Variants in RFFL observed in about 807,000 individuals in gnomAD.
The protein encoded by RFFL is E3 ubiquitin-protein ligase rififylin.
Under a neutral mutation model 40.4 loss-of-function variants are expected in RFFL, and 16 were observed. The ratio of observed to expected loss-of-function variants is 0.40; its 90% confidence interval spans 0.27 to 0.60. The LOEUF (loss-of-function observed/expected upper bound fraction) is 0.60, where lower values mean the gene tolerates loss of function less well. RFFL is among the 20% of genes least tolerant of loss of function. RFFL has a pLI of 0.47. For missense variants in RFFL, 367 were observed against 451.7 expected, an observed-to-expected ratio of 0.81 and a Z score of 1.70; for synonymous variants, 154 against 167.9, an observed-to-expected ratio of 0.92 and a Z score of 0.64.
Position 35,011,923 on chromosome 17 carries a change from C to T in RFFL, c.*45G>A. 1.9e-6 allele frequency: 3 copies of T among 1,592,534 alleles called. No homozygotes were observed. The highest frequency in any genetic ancestry group is 2.6e-6 in the Non-Finnish European group (3 of 1,165,786). ...CTGGCCAACCCTGAGCCCAGACACC[C>T]CAGGCTATTTCCCTGTAAGGCACTG... On this transcript the variant is annotated 3_prime_UTR_variant, in exon 7 of 7. Transcript: ENST00000394597.
In RFFL at chr17:35,016,525, A is replaced by G; in HGVS notation, c.731T>C (p.Leu244Pro). 1.9e-6 allele frequency: 3 copies of G among 1,614,212 alleles called. No homozygotes were observed. Among genetic ancestry groups the G allele is most frequent in the Non-Finnish European group, 2.5e-6 (3 of 1,180,028 alleles). Reference protein sequence around the residue: ...VPGRRASLSDLTDLEDIEGLT... With the variant: ...VPGRRASLSDPTDLEDIEGLT... ...GCCTTCAATGTCCTCCAGGTCAGTC[A>G]GGTCAGACAGAGAGGCCCTTCGGCC... is the stretch of plus-strand genomic sequence containing the variant. The change falls in exon 5 of 7, where the codon CTG (leucine) becomes CCG (proline). Residue 244 changes from leucine (L) to proline (P), a missense_variant. Physicochemically the swap from Leu to Pro is moderately conservative, Grantham distance 98. Transcript: ENST00000394597.
In RFFL at chr17:35,017,505, C is replaced by A; in HGVS notation, c.675+18G>T. On this transcript the variant is annotated intron_variant, in intron 4 of 6. Transcript: ENST00000394597. The stretch of plus-strand genomic sequence containing the variant: ...GAAAGAGGAAAGGTGAAGACACAGA[C>A]CCAAGCAGAGGCCCCACCTGGGTCT... 6.4e-7 allele frequency: 1 copy of A among 1,570,134 alleles called. No homozygotes were observed. The highest frequency in any genetic ancestry group is 2.3e-5 in the East Asian group (1 of 44,356).
intron 2 of RFFL, chr17:35,025,407 T>C (rs966888190): frequency 6.6e-6 from 1 of 152,200 alleles, no homozygotes; most frequent in Non-Finnish European, 1.5e-5. Flanking sequence ...ATTTAACACA[T>C]TCAATGTTCT....
At chr17:35,065,180 A>G (rs947814079), upstream of RFFL, among the ~76,000 whole-genome samples, 1 of 152,102 alleles carries the variant, frequency 6.6e-6, no homozygotes, top group Non-Finnish European at 1.5e-5. Flanking sequence ...AACAACTCTC[A>G]AGGTACAGAC....
chr17:35,011,670 G>A lies in RFFL; in HGVS notation c.*298C>T, dbSNP rs981784824. On this transcript the variant is annotated 3_prime_UTR_variant, in exon 7 of 7. Coordinates refer to ENST00000394597, the MANE Select transcript of RFFL (RefSeq NM_001017368.2). ...CTGTCTAGGTTCAGGGAGGAAGACA[G>A]GACCCAAGTTCTGGAAAGTTCTCTG... 6.1e-6 allele frequency: 2 copies of A among 327,766 alleles called. No individual in the cohort carries two copies. Among genetic ancestry groups the A allele is most frequent in the African/African-American group, 2.1e-5 (1 of 47,710 alleles). The allele number at this position is 327,766 out of a possible 1,614,324, so 20.3% of individuals were successfully genotyped here.
chr17:35,086,893 CAG>C (rs1474161202), intron 1 of RFFL, among the ~76,000 whole-genome samples: 2 of 152,166 alleles, frequency 1.3e-5, no homozygotes, highest in Non-Finnish European at 2.9e-5. Context: ...CTTAGGTTTA[CAG>C]AGGTGTTCTC....
intron 1 of RFFL, among the ~76,000 whole-genome samples, chr17:35,082,430 T>A (rs550761819): frequency 2.0e-4 from 31 of 152,234 alleles, no homozygotes; most frequent in Non-Finnish European, 4.0e-4. Flanking sequence ...ATTTGGGTAA[T>A]GTTATTCATT....
chr17:35,043,917 AT>A (rs1567708954), intron 1 of RFFL, among the ~76,000 whole-genome samples: 1 of 152,208 alleles, frequency 6.6e-6, no homozygotes, highest in African/African-American at 2.4e-5. Flanking sequence ...TATACATCCC[AT>A]AAGTCATCTG....
chr17:35,070,675 T>C (rs1248429086), intron 1 of RFFL, among the ~76,000 whole-genome samples: 1 of 152,168 alleles, frequency 6.6e-6, no homozygotes, highest in East Asian at 1.9e-4. Flanking sequence ...TGCTGTGCTA[T>C]CTATTGCTGG....
intron 1 of RFFL, among the ~76,000 whole-genome samples, chr17:35,057,401 G>A (rs538279812): frequency 6.6e-6 from 1 of 151,734 alleles, no homozygotes; most frequent in African/African-American, 2.4e-5. Flanking sequence ...TTGCCCCAGG[G>A]CCTACAAACT....
intron 1 of RFFL, among the ~76,000 whole-genome samples, chr17:35,078,468 A>G (rs1338740350): frequency 2.6e-5 from 4 of 152,012 alleles, no homozygotes; most frequent in Non-Finnish European, 4.4e-5. Context: ...ACATCTAGCT[A>G]ATTTTTTGTA....
chr17:35,042,950 G>A (rs561273243), intron 1 of RFFL, among the ~76,000 whole-genome samples: 4 of 152,240 alleles, frequency 2.6e-5, no homozygotes, highest in Non-Finnish European at 5.9e-5. Flanking sequence ...TGCTGAAGTG[G>A]TGCATGGGCT....
intron 1 of RFFL, among the ~76,000 whole-genome samples, chr17:35,069,884 C>CA (rs2091338230): frequency 6.6e-6 from 1 of 151,668 alleles, no homozygotes; most frequent in Non-Finnish European, 1.5e-5. Context: ...GAAAGGAACC[C>CA]AAAGCTCCAT....
chr17:35,062,182 A>G (rs2091295521), intron 1 of RFFL, among the ~76,000 whole-genome samples: 1 of 151,978 alleles, frequency 6.6e-6, no homozygotes, highest in South Asian at 2.1e-4. Flanking sequence ...AGGCAGGTGG[A>G]CCATGAGGTC....
At chr17:35,088,567 C>T (rs2091442376) in intron 1 of RFFL, among the ~76,000 whole-genome samples, 1 of 152,138 alleles carries the variant, frequency 6.6e-6, no homozygotes, top group African/African-American at 2.4e-5. Flanking sequence ...ACACACATCG[C>T]GAACAGAGGA....
intron 1 of RFFL, among the ~76,000 whole-genome samples, chr17:35,054,805 C>G (rs373386383): frequency 1.3e-4 from 20 of 152,078 alleles, no homozygotes; most frequent in African/African-American, 4.6e-4. Flanking sequence ...ATTCCCTAAG[C>G]GTCATTTTTC....
chr17:35,047,399 G>A (rs541605389), intron 1 of RFFL, among the ~76,000 whole-genome samples: 2 of 152,286 alleles, frequency 1.3e-5, no homozygotes, highest in East Asian at 3.9e-4. Context: ...ATTAAAACCT[G>A]CTACATTGAA....
intron 1 of RFFL, among the ~76,000 whole-genome samples, chr17:35,072,566 TAC>T (rs138372161): frequency 1.2e-4 from 18 of 147,208 alleles, no homozygotes; most frequent in South Asian, 4.2e-4. Context: ...AGCAGAAAAC[TAC>T]ACACACACAC....
At chr17:35,088,862 G>A (rs2091444117) in intron 1 of RFFL, 1 of 152,320 alleles carries the variant, frequency 6.6e-6, no homozygotes, top group Non-Finnish European at 1.5e-5. Flanking sequence ...TGCCCCCACA[G>A]GTGAAACGCT....
Sources: gnomAD v4.1 joint callset for allele counts (sites outside exome capture counted in the v4.1 genomes callset) on GRCh38, gnomAD v4.1.1 for gene constraint, MANE v1.5 for transcripts, NCBI Gene and HGNC (gene_info 2026-07-23, HGNC 2026-07-21) for gene names.